The following TP63 variants were observed in gnomAD, a reference collection of about 807,000 sequenced individuals.
TP63 encodes the protein tumor protein 63.
A neutral mutation model predicts 82.8 loss-of-function variants in TP63; 17 were observed. The observed-to-expected ratio is 0.21, with a 90% confidence interval of 0.14 to 0.31. TP63 has a LOEUF of 0.31. Among genes scored for constraint, TP63 ranks in the 10% least tolerant of loss-of-function variants. The pLI, the probability that TP63 is intolerant of heterozygous loss-of-function variation, is 1.00. For missense variants in TP63, 648 were observed against 895.3 expected (o/e 0.72, Z 3.52); for synonymous variants, 330 against 321.7 (o/e 1.03, Z -0.28).
At chr3:189,772,290 C>G (rs1323128775) in intron 3 of TP63, among the ~76,000 whole-genome samples, 2 of 152,152 alleles carry the variant, frequency 1.3e-5, no homozygotes, top group South Asian at 4.1e-4. Flanking sequence ...ATGCTCTTTA[C>G]CAATAAGGAC....
the TP63 span, among the ~76,000 whole-genome samples, chr3:189,603,311 T>C: frequency 6.6e-6 from 1 of 152,158 alleles, no homozygotes; most frequent in Non-Finnish European, 1.5e-5. Flanking sequence ...TCTGGGCCTC[T>C]CTCTTCTCAT....
At chr3:189,738,306 T>C (rs1297523436) in intron 2 of TP63, among the ~76,000 whole-genome samples, 1 of 152,178 alleles carries the variant, frequency 6.6e-6, no homozygotes, top group Non-Finnish European at 1.5e-5. Context: ...TAAGAAAAGG[T>C]GAAAAGAGAA....
chr3:189,768,384 T>G (rs1052271757), intron 3 of TP63, among the ~76,000 whole-genome samples: 46 of 152,128 alleles, frequency 3.0e-4, no homozygotes, highest in Non-Finnish European at 8.8e-5. Flanking sequence ...CAACATCCAA[T>G]TCCTCTTGTA....
intron 4 of TP63, among the ~76,000 whole-genome samples, chr3:189,843,758 A>G (rs1265155168): frequency 6.6e-6 from 1 of 152,188 alleles, no homozygotes; most frequent in Non-Finnish European, 1.5e-5. Context: ...CCGGGGCCAA[A>G]GTTGGAGCCC....
At position 189,641,462 on chromosome 3, in the gene TP63, A is replaced by G. The variant is rs1208450891; in HGVS notation, c.62+9885A>G. On this transcript the variant is annotated intron_variant, in intron 1 of 13. Coordinates refer to ENST00000264731, the MANE Select transcript of TP63 (RefSeq NM_003722.5). ...CACAAATGAAGTGTTTCTAATAATCATGATGCCAACAAAGAAAAATTTAGT... is the reference window on the plus strand; with the variant it reads ...CACAAATGAAGTGTTTCTAATAATCGTGATGCCAACAAAGAAAAATTTAGT... Among the ~76,000 whole-genome samples the G allele has an allele frequency of 5.9e-5, 9 of 152,108 alleles. No homozygotes were observed. In the East Asian group the frequency reaches 1.7e-3, roughly 29 times the overall value.
chr3:189,784,414 G>A (rs914161598), intron 3 of TP63, among the ~76,000 whole-genome samples: 2 of 152,054 alleles, frequency 1.3e-5, no homozygotes, highest in African/African-American at 4.8e-5. Context: ...GTAGATTCCA[G>A]TCTCAAAATA....
chr3:189,675,305 AT>A (rs1715292307), intron 1 of TP63, among the ~76,000 whole-genome samples: 1 of 152,118 alleles, frequency 6.6e-6, no homozygotes, highest in South Asian at 2.1e-4. Context: ...AGATACAAAC[AT>A]TAAGATCATA....
intron 3 of TP63, among the ~76,000 whole-genome samples, chr3:189,761,506 C>A (rs112515652): frequency 7.0e-5 from 10 of 142,610 alleles, no homozygotes; most frequent in African/African-American, 2.5e-4. Flanking sequence ...CACCTGTGAC[C>A]ACCTCAGCCT....
intron 10 of TP63, among the ~76,000 whole-genome samples, chr3:189,875,534 C>T (rs2108825644): frequency 7.0e-6 from 1 of 143,346 alleles, no homozygotes; most frequent in South Asian, 2.2e-4. Flanking sequence ...CCACTGCACT[C>T]CAGCCTGGGC....
intron 1 of TP63, among the ~76,000 whole-genome samples, chr3:189,650,404 A>G (rs991396356): frequency 6.8e-6 from 1 of 146,846 alleles, no homozygotes; most frequent in Non-Finnish European, 1.5e-5. Context: ...CCCGCCCCAA[A>G]TCTCATCTTG....
chr3:189,697,173 G>T (rs1577258520), intron 1 of TP63, among the ~76,000 whole-genome samples: 2 of 146,284 alleles, frequency 1.4e-5, no homozygotes, highest in African/African-American at 5.0e-5. Flanking sequence ...TTTACATTGA[G>T]TTCTATGATC....
intron 4 of TP63, among the ~76,000 whole-genome samples, chr3:189,809,894 G>A (rs973162368): frequency 1.3e-5 from 2 of 152,196 alleles, no homozygotes; most frequent in African/African-American, 4.8e-5. Flanking sequence ...TAAGAGGCAT[G>A]CCTAAACTTA....
chr3:189,625,463 A>T, the TP63 span, among the ~76,000 whole-genome samples: 1 of 151,924 alleles, frequency 6.6e-6, no homozygotes, highest in East Asian at 1.9e-4. Context: ...TAAAAAAAAA[A>T]GGACAACTGA....
the TP63 span, among the ~76,000 whole-genome samples, chr3:189,599,313 A>C: frequency 6.6e-6 from 1 of 152,114 alleles, no homozygotes; most frequent in African/African-American, 2.4e-5. Context: ...CTTGTATTCA[A>C]CTGGGCCTGG....
At chr3:189,820,277 C>T (rs1009534180) in intron 4 of TP63, among the ~76,000 whole-genome samples, 2 of 152,218 alleles carry the variant, frequency 1.3e-5, no homozygotes, top group Non-Finnish European at 2.9e-5. Context: ...CTATAGACTT[C>T]TTGCAGTCTG....
At chr3:189,769,685 A>G (rs1017965999) in intron 3 of TP63, among the ~76,000 whole-genome samples, 6 of 152,194 alleles carry the variant, frequency 3.9e-5, no homozygotes, top group African/African-American at 1.4e-4. Context: ...TTTCAAAATG[A>G]CTGTGCCCAT....
chr3:189,750,495 A>G (rs989147749), intron 3 of TP63, among the ~76,000 whole-genome samples: 6 of 152,242 alleles, frequency 3.9e-5, no homozygotes, highest in Non-Finnish European at 7.3e-5. Flanking sequence ...CAACACATAG[A>G]AATGATAAAT....
intron 3 of TP63, among the ~76,000 whole-genome samples, chr3:189,760,821 A>T (rs1722510819): frequency 6.6e-6 from 1 of 152,248 alleles, no homozygotes; most frequent in South Asian, 2.1e-4. Flanking sequence ...CTTCCCAGGC[A>T]TCCAGGCATT....
chr3:189,813,893 C>A (rs962507093), intron 4 of TP63, among the ~76,000 whole-genome samples: 1 of 152,190 alleles, frequency 6.6e-6, no homozygotes, highest in African/African-American at 2.4e-5. Flanking sequence ...TTCCCTGTAG[C>A]CTTCACCCAT....
Sources: gnomAD v4.1 joint callset for allele counts (sites outside exome capture counted in the v4.1 genomes callset) on GRCh38, gnomAD v4.1.1 for gene constraint, MANE v1.5 for transcripts, NCBI Gene and HGNC (gene_info 2026-07-23, HGNC 2026-07-21) for gene names.